Variants in GSG1L observed in about 807,000 individuals in gnomAD.
The protein encoded by GSG1L is germ cell-specific gene 1-like protein.
GSG1L carries 24 observed loss-of-function variants against 42.1 expected under a neutral mutation model. The observed-to-expected ratio is 0.57, with a 90% CI of 0.41 to 0.80. GSG1L has a LOEUF of 0.80. Ranked by LOEUF, GSG1L falls within the 30% of genes least tolerant of loss-of-function variation. The pLI is 0.00. For synonymous variants in GSG1L, 215 were observed against 203.5 expected (o/e 1.06, Z -0.48); for missense variants, 445 against 472.2 (o/e 0.94, Z 0.53).
intron 1 of GSG1L, among the ~76,000 whole-genome samples, chr16:28,011,550 T>A (rs922100502): frequency 6.6e-6 from 1 of 152,224 alleles, no homozygotes; most frequent in Non-Finnish European, 1.5e-5. Context: ...TCCTGCTAGA[T>A]CCTTCCTGTC....
Position 28,063,427 on chromosome 16 carries a change from C to G in GSG1L, c.-3G>C. 7.9e-7 allele frequency: 1 copy of G among 1,258,500 alleles called. No individual in the cohort carries two copies. The highest frequency in any genetic ancestry group is 1.0e-6 in the Non-Finnish European group (1 of 997,188). The allele number at this position is 1,258,500 out of a possible 1,614,324, so 78.0% of individuals were successfully genotyped here. On this transcript the variant is annotated 5_prime_UTR_variant, in exon 1 of 7. Transcript: ENST00000447459. The surrounding 1 kb of genome is among the most constrained non-coding windows in gnomAD (Gnocchi z 5.8). ...CGGCCGCGGCGGCTAGTCTTCATGCCGCCCGCGCCGCCGGGACGGGACTGC... is the reference window on the plus strand; with the variant it reads ...CGGCCGCGGCGGCTAGTCTTCATGCGGCCCGCGCCGCCGGGACGGGACTGC...
At chr16:27,928,195 C>G (rs2084616771) in intron 2 of GSG1L, among the ~76,000 whole-genome samples, 1 of 152,176 alleles carries the variant, frequency 6.6e-6, no homozygotes, top group Admixed American at 6.5e-5. Context: ...TCACAAAAAC[C>G]CTATCAGGTA....
At chr16:27,807,300 G>C (rs1373566908) in intron 6 of GSG1L, among the ~76,000 whole-genome samples, 187 bp downstream of exon 6, 1 of 152,170 alleles carries the variant, frequency 6.6e-6, no homozygotes, top group African/African-American at 2.4e-5. Context: ...AAGCCTGTGG[G>C]GAGAGCTGCG....
chr16:27,842,091 C>G (rs1008374130), intron 4 of GSG1L, among the ~76,000 whole-genome samples: 5 of 117,888 alleles, frequency 4.2e-5, no homozygotes, highest in African/African-American at 1.4e-4. Flanking sequence ...AATTTCACAT[C>G]AGTAGCACGA....
chr16:27,979,796 G>GAAA (rs1567543126), intron 1 of GSG1L, among the ~76,000 whole-genome samples: 1 of 120,078 alleles, frequency 8.3e-6, no homozygotes, highest in African/African-American at 3.3e-5. Flanking sequence ...AAGAAAGAAA[G>GAAA]GAAAGAAAGA....
intron 2 of GSG1L, among the ~76,000 whole-genome samples, chr16:27,921,418 T>A (rs759511538): frequency 1.1e-4 from 17 of 152,194 alleles, no homozygotes; most frequent in Non-Finnish European, 1.8e-4. Flanking sequence ...TTGAATGTCA[T>A]TCTTACTACT....
intron 2 of GSG1L, among the ~76,000 whole-genome samples, chr16:27,896,132 G>T (rs1336151494): frequency 6.6e-6 from 1 of 152,158 alleles, no homozygotes; most frequent in East Asian, 1.9e-4. Flanking sequence ...CTGGCCTAGG[G>T]GGTCACTCCA....
chr16:27,871,565 G>T (rs181510950), intron 3 of GSG1L, among the ~76,000 whole-genome samples: 2 of 152,280 alleles, frequency 1.3e-5, no homozygotes, highest in East Asian at 3.9e-4. Flanking sequence ...CTGAGCTCAG[G>T]GGGGCCAAGG....
At chr16:27,967,828 G>A (rs919023973) in intron 1 of GSG1L, among the ~76,000 whole-genome samples, 5 of 152,132 alleles carry the variant, frequency 3.3e-5, no homozygotes, top group South Asian at 2.1e-4. Context: ...CAGGAGAATC[G>A]CTTGAATATG....
At chr16:28,017,770 G>T (rs1229263175) in intron 1 of GSG1L, among the ~76,000 whole-genome samples, 1 of 152,162 alleles carries the variant, frequency 6.6e-6, no homozygotes, top group East Asian at 1.9e-4. Flanking sequence ...GAAATTCAAG[G>T]ACAGGCAAAA....
intron 2 of GSG1L, among the ~76,000 whole-genome samples, chr16:27,933,332 G>A (rs1233618230): frequency 6.6e-6 from 1 of 152,048 alleles, no homozygotes; most frequent in Admixed American, 6.6e-5. Flanking sequence ...TACTGGGGAG[G>A]TACAGAGTTG....
At chr16:28,014,357 C>CA (rs1296326570) in intron 1 of GSG1L, among the ~76,000 whole-genome samples, 1 of 152,164 alleles carries the variant, frequency 6.6e-6, no homozygotes, top group Non-Finnish European at 1.5e-5. Flanking sequence ...GTTATGTTGT[C>CA]ATGGGGAGAA....
chr16:27,809,938 G>T (rs1033224136), intron 5 of GSG1L, among the ~76,000 whole-genome samples: 1 of 152,228 alleles, frequency 6.6e-6, no homozygotes, highest in Non-Finnish European at 1.5e-5. Context: ...AGCTGGAGGA[G>T]AAGATGGGGG....
chr16:27,832,676 C>T (rs1419806611), intron 4 of GSG1L, among the ~76,000 whole-genome samples: 1 of 152,202 alleles, frequency 6.6e-6, no homozygotes, highest in Non-Finnish European at 1.5e-5. Context: ...GTAATAATAT[C>T]TCATTGTGGC....
rs181915726 is a variant in GSG1L at position 27,988,845 on chromosome 16, G to C, written c.350-25642C>G. On this transcript the variant is annotated intron_variant, in intron 1 of 6. Coordinates refer to ENST00000447459, the MANE Select transcript of GSG1L (RefSeq NM_001109763.2). ...CGAGGTGGGCGGATCACGAGGTCAG[G>C]AGATCAAGACCATCCTGGCTAACAT... 4.0e-5 allele frequency among the ~76,000 whole-genome samples: 6 copies of C among 151,550 alleles called. No individual in the cohort carries two copies. The East Asian group carries it at 1.2e-3, about 29-fold the overall frequency.
intron 1 of GSG1L, among the ~76,000 whole-genome samples, chr16:28,034,867 G>A (rs1249148742): frequency 6.6e-6 from 1 of 152,194 alleles, no homozygotes; most frequent in Non-Finnish European, 1.5e-5. Flanking sequence ...TGGAGGTGCA[G>A]GGGAATTGCC....
At chr16:27,952,909 C>G (rs893629447) in intron 2 of GSG1L, among the ~76,000 whole-genome samples, 7 of 152,200 alleles carry the variant, frequency 4.6e-5, no homozygotes, top group Non-Finnish European at 1.0e-4. Flanking sequence ...CTGCCAAGCC[C>G]TCCGCAAGTT....
rs766793699 is a variant in GSG1L at position 27,791,477 on chromosome 16, G to A, written c.899-10C>T. Reference sequence around the variant, plus strand: ...ATGTGTGGCTGGTGTCCTGCCAGGAGACAAGGCGGTCAGTGCTGAAAGCCA... The same window carrying A: ...ATGTGTGGCTGGTGTCCTGCCAGGAAACAAGGCGGTCAGTGCTGAAAGCCA... On this transcript the variant is annotated splice_polypyrimidine_tract_variant and intron_variant, in intron 6 of 6. Coordinates refer to ENST00000447459, the MANE Select transcript of GSG1L (RefSeq NM_001109763.2). The A allele has an allele frequency of 2.1e-5, 31 of 1,465,630 alleles. No individual in the cohort carries two copies. In the Middle Eastern group the frequency reaches 2.5e-3, roughly 118 times the overall value. 90.8% of individuals were successfully genotyped at this position (1,465,630 alleles called of 1,614,324 possible). A position where few individuals can be genotyped will look rare whatever the true frequency, so the allele number is the denominator to read the frequency against.
chr16:27,949,722 G>A (rs1378072612), intron 2 of GSG1L, among the ~76,000 whole-genome samples: 1 of 152,250 alleles, frequency 6.6e-6, no homozygotes, highest in Non-Finnish European at 1.5e-5. Context: ...TCAGGAGATC[G>A]AGACCATCCT....
Sources: allele counts gnomAD v4.1 joint callset (sites outside exome capture counted in the v4.1 genomes callset), GRCh38; gene constraint gnomAD v4.1.1; non-coding constraint Gnocchi (gnomAD v3.1); transcripts MANE v1.5; gene names NCBI Gene and HGNC (gene_info 2026-07-23, HGNC 2026-07-21).